Variants in PACSIN2 observed in about 807,000 individuals in gnomAD.
PACSIN2 encodes protein kinase C and casein kinase substrate in neurons 2, also known as protein kinase C and casein kinase substrate in neurons protein 2.
In PACSIN2, 25 loss-of-function variants were observed where a neutral mutation model predicts 63.8. The ratio of observed to expected loss-of-function variants is 0.39; its 90% CI spans 0.29 to 0.55. PACSIN2 has a LOEUF of 0.55. Among genes scored for constraint, PACSIN2 ranks in the 20% least tolerant of loss-of-function variants. The probability of loss-of-function intolerance (pLI) is 0.62; values close to 1 mark genes in which losing one functional copy is unlikely to be tolerated. For synonymous variants in PACSIN2, 255 were observed against 256.2 expected (o/e 1.00, Z 0.05); for missense variants, 518 against 646.9 (o/e 0.80, Z 2.16).
chr22:42,908,906 CCTGCTCT>C (rs1224174466), intron 2 of PACSIN2, among the ~76,000 whole-genome samples: 5 of 152,148 alleles, frequency 3.3e-5, no homozygotes, highest in Non-Finnish European at 2.9e-5. Context: ...GGTGGTCCCT[CCTGCTCT>C]CATACTCCAT....
Position 42,986,052 on chromosome 22 carries a change from C to T in PACSIN2, c.-78+28969G>A, listed in dbSNP as rs576992457. Among the ~76,000 whole-genome samples the T allele has an allele frequency of 2.0e-5, 3 of 152,318 alleles. No homozygotes were observed. In the South Asian group the frequency reaches 6.2e-4, roughly 32 times the overall value. On this transcript the variant is annotated intron_variant, in intron 1 of 10. Coordinates refer to ENST00000263246, the MANE Select transcript of PACSIN2 (RefSeq NM_001184970.3). ...GGCTCACGCTTGACTTTCCAAACAACGATCCCCTTGCTCTGTAGTTTTAGC... is the reference window on the plus strand; with the variant it reads ...GGCTCACGCTTGACTTTCCAAACAATGATCCCCTTGCTCTGTAGTTTTAGC...
chr22:43,013,582 C>A (rs905349875), intron 1 of PACSIN2, among the ~76,000 whole-genome samples: 1 of 152,220 alleles, frequency 6.6e-6, no homozygotes, highest in Admixed American at 6.5e-5. Context: ...AACAGGAGGG[C>A]TGGCATTCAA....
At chr22:42,894,272 C>T (rs1930127092) in intron 2 of PACSIN2, among the ~76,000 whole-genome samples, 1 of 151,406 alleles carries the variant, frequency 6.6e-6, no homozygotes, top group African/African-American at 2.4e-5. Flanking sequence ...GAGACACAGT[C>T]TCGCTGTCGT....
At chr22:42,923,649 G>C (rs1447330106) in intron 1 of PACSIN2, among the ~76,000 whole-genome samples, 2 of 152,076 alleles carry the variant, frequency 1.3e-5, no homozygotes, top group Admixed American at 6.5e-5. Flanking sequence ...GGATGGTCTC[G>C]ATCTCCTGAC....
intron 1 of PACSIN2, among the ~76,000 whole-genome samples, chr22:42,999,400 T>C (rs965578544): frequency 7.2e-5 from 11 of 152,366 alleles, no homozygotes; most frequent in Non-Finnish European, 7.3e-5. Flanking sequence ...CCAGGCGTGG[T>C]GGCTCATGCC....
At chr22:42,945,290 TTCTGTAGTGG>T (rs1933366876) in intron 1 of PACSIN2, among the ~76,000 whole-genome samples, 2 of 151,994 alleles carry the variant, frequency 1.3e-5, no homozygotes, top group African/African-American at 4.8e-5. Context: ...ACCAGCTCAT[TTCTGTAGTGG>T]CTGCAGTGTG....
At chr22:42,987,449 AACACACACACACACAC>A (rs745523623) in intron 1 of PACSIN2, among the ~76,000 whole-genome samples, 10 of 87,088 alleles carry the variant, frequency 1.1e-4, no homozygotes, top group South Asian at 4.3e-4. Flanking sequence ...GTCCAGGAGC[AACACACACACACACAC>A]ACACACACAC....
chr22:42,949,888 T>G (rs537462239), intron 1 of PACSIN2, among the ~76,000 whole-genome samples: 2 of 152,362 alleles, frequency 1.3e-5, no homozygotes, highest in South Asian at 4.1e-4. Flanking sequence ...TTATTTTACA[T>G]CTATCTCTCC....
intron 1 of PACSIN2, among the ~76,000 whole-genome samples, chr22:42,946,430 C>T (rs911768599): frequency 2.6e-5 from 4 of 152,212 alleles, no homozygotes; most frequent in African/African-American, 4.8e-5. Context: ...CAATGTACCA[C>T]GGGCTCACCC....
rs753859220 is a variant in PACSIN2, at chr22:42,870,345, C to T, written c.*1012G>A. The T allele has an allele frequency of 3.3e-5, 5 of 152,158 alleles. No individual in the cohort carries two copies. Among genetic ancestry groups the T allele is most frequent in the African/African-American group, 9.7e-5 (4 of 41,426 alleles). The allele number at this position is 152,158 out of a possible 1,614,324, so 9.4% of individuals were successfully genotyped here. On this transcript the variant is annotated 3_prime_UTR_variant, in exon 11 of 11. Transcript: ENST00000263246. ...CACTGAGCCCGGGAGGAGACCCAGC[C>T]GGCCAGCCAGACGTGTGCCTGAATG...
intron 1 of PACSIN2, among the ~76,000 whole-genome samples, chr22:42,978,130 C>T (rs982292444): frequency 3.3e-5 from 5 of 152,222 alleles, no homozygotes; most frequent in African/African-American, 9.6e-5. Context: ...TACAACCTGC[C>T]ATGCACTTTT....
chr22:42,986,119 C>T (rs538110021), intron 1 of PACSIN2, among the ~76,000 whole-genome samples: 1 of 152,120 alleles, frequency 6.6e-6, no homozygotes, highest in Non-Finnish European at 1.5e-5. Flanking sequence ...AGAATTAACA[C>T]AGAAACAGTA....
chr22:42,881,348 A>T (rs1929059234), intron 7 of PACSIN2, among the ~76,000 whole-genome samples: 1 of 152,134 alleles, frequency 6.6e-6, no homozygotes, highest in Non-Finnish European at 1.5e-5. Context: ...ACGTGGGAAA[A>T]CTGAGTCACA....
chr22:42,999,203 C>T (rs953009883), intron 1 of PACSIN2, among the ~76,000 whole-genome samples: 4 of 152,324 alleles, frequency 2.6e-5, no homozygotes, highest in South Asian at 4.1e-4. Flanking sequence ...CAAAAGTGCT[C>T]GCCTCGGCCC....
intron 7 of PACSIN2, 114 bp from the exon 8 acceptor site, chr22:42,879,283 T>G (rs1473195444): frequency 1.8e-6 from 2 of 1,130,078 alleles, no homozygotes; most frequent in Admixed American, 2.4e-5. Flanking sequence ...ATCTGATGTG[T>G]AGACTCAGGG....
intron 2 of PACSIN2, among the ~76,000 whole-genome samples, chr22:42,906,957 T>C (rs912678163): frequency 6.6e-6 from 1 of 152,246 alleles, no homozygotes; most frequent in South Asian, 2.1e-4. Flanking sequence ...AGCAATGCCA[T>C]GTTACAGCCT....
At chr22:42,994,727 C>T (rs1046710286) in intron 1 of PACSIN2, among the ~76,000 whole-genome samples, 1 of 152,200 alleles carries the variant, frequency 6.6e-6, no homozygotes. Flanking sequence ...GGGACAGTCA[C>T]ACTGGAAAAA....
In PACSIN2 at chr22:42,987,487, CACACACCCAT is replaced by C. The variant is rs1421938226; in HGVS notation, c.-78+27524_-78+27533del. On this transcript the variant is annotated intron_variant, in intron 1 of 10. Coordinates refer to ENST00000263246, the MANE Select transcript of PACSIN2 (RefSeq NM_001184970.3). ...ACACACACACACACACACACACACA[CACACACCCAT>C]GGCACCATGTTCAGAAGACGGGCAC... Among the ~76,000 whole-genome samples, 355 of 114,556 alleles carry C rather than the reference CACACACCCAT, an allele frequency of 3.1e-3. 6 individuals carry two copies. The South Asian group carries it at 0.039, about 13-fold the overall frequency. The allele number at this position is 114,556 out of a possible 152,430, so 75.2% of individuals were successfully genotyped here. A position where few individuals can be genotyped will look rare whatever the true frequency, so the allele number is the denominator to read the frequency against.
intron 2 of PACSIN2, among the ~76,000 whole-genome samples, chr22:42,908,115 C>T (rs1033648746): frequency 7.2e-5 from 11 of 152,206 alleles, no homozygotes; most frequent in African/African-American, 2.4e-4. Context: ...GCTCTTTGTA[C>T]CCACAAGATA....
Sources: allele counts gnomAD v4.1 joint callset (sites outside exome capture counted in the v4.1 genomes callset), GRCh38; gene constraint gnomAD v4.1.1; transcripts MANE v1.5; gene names NCBI Gene and HGNC (gene_info 2026-07-23, HGNC 2026-07-21).